HCK: variants seen among roughly 807,000 people sequenced by gnomAD.
HCK encodes tyrosine-protein kinase HCK.
Under a neutral mutation model 70.4 loss-of-function variants are expected in HCK, and 40 were observed. That is an observed-to-expected ratio of 0.57 (90% CI 0.44 to 0.74). The LOEUF (loss-of-function observed/expected upper bound fraction) is 0.74. HCK is among the 30% of genes least tolerant of loss of function. The probability of loss-of-function intolerance (pLI) is 0.00; values close to 1 mark genes in which losing one functional copy is unlikely to be tolerated. For synonymous variants in HCK, 245 were observed against 263.2 expected (o/e 0.93, Z 0.67); for missense variants, 568 against 697.2 (o/e 0.81, Z 2.09).
chr20:32,076,886 G>A (rs1224890001), intron 5 of HCK, among the ~76,000 whole-genome samples: 2 of 152,074 alleles, frequency 1.3e-5, no homozygotes, highest in East Asian at 3.9e-4. Context: ...AGGAGTTCAA[G>A]ACCAGCCTGG....
At chr20:32,067,957 TTG>T (rs2045483746) in intron 1 of HCK, among the ~76,000 whole-genome samples, 1 of 152,226 alleles carries the variant, frequency 6.6e-6, no homozygotes, top group Admixed American at 6.5e-5. Flanking sequence ...ATTAATTCAC[TTG>T]TTTCTTTTTA....
intron 11 of HCK, among the ~76,000 whole-genome samples, chr20:32,098,608 C>T (rs917544274): frequency 1.3e-4 from 20 of 152,272 alleles, no homozygotes; most frequent in African/African-American, 4.8e-4. Flanking sequence ...CCAGAATCCT[C>T]CCTTTTCCCA....
At position 32,093,987 on chromosome 20, in the gene HCK, T is replaced by C. The variant is rs1263925999; in HGVS notation, c.1217T>C (p.Ile406Thr). The C allele has an allele frequency of 6.2e-7, 1 of 1,613,526 alleles. No homozygotes were observed. Among genetic ancestry groups the C allele is most frequent in the Non-Finnish European group, 8.5e-7 (1 of 1,179,922 alleles). ...GCTGACTTTGGCCTGGCCCGGGTCA[T>C]TGAGGACAACGAGTACACGGCTCGG... The change falls in exon 11 of 13, where the codon ATT becomes ACT. Residue 406 changes from isoleucine (I) to threonine (T), a missense_variant. By Grantham distance (89) the Ile-to-Thr change is moderately conservative. This residue lies in a region of HCK where 160 missense variants were observed against 237.5 expected (regional missense o/e 0.67). Coordinates refer to ENST00000375852, the MANE Select transcript of HCK (RefSeq NM_002110.5).
intron 10 of HCK, among the ~76,000 whole-genome samples, 189 bp from the exon 11 acceptor site, chr20:32,093,674 A>G (rs1454839012): frequency 2.0e-5 from 3 of 152,152 alleles, no homozygotes; most frequent in Non-Finnish European, 2.9e-5. Flanking sequence ...CTCCTTAGGG[A>G]TCCCCCTAAC....
intron 1 of HCK, among the ~76,000 whole-genome samples, chr20:32,062,798 G>A (rs981730922): frequency 1.3e-5 from 2 of 152,208 alleles, no homozygotes; most frequent in African/African-American, 4.8e-5. Context: ...TCAGAAGACA[G>A]TCAGGGAACC....
chr20:32,089,532 C>G (rs2045836262), intron 10 of HCK, among the ~76,000 whole-genome samples: 1 of 152,184 alleles, frequency 6.6e-6, no homozygotes, highest in African/African-American at 2.4e-5. Context: ...GACCATGACC[C>G]AAGTGGTCCT....
chr20:32,095,069 A>G (rs1225852063), intron 11 of HCK, among the ~76,000 whole-genome samples: 1 of 152,254 alleles, frequency 6.6e-6, no homozygotes, highest in Non-Finnish European at 1.5e-5. Context: ...TTTAATGTCC[A>G]TCAATTGATG....
At chr20:32,056,006 T>C (rs1185520000) in intron 1 of HCK, among the ~76,000 whole-genome samples, 1 of 152,266 alleles carries the variant, frequency 6.6e-6, no homozygotes, top group East Asian at 1.9e-4. Flanking sequence ...TAGTACTTTA[T>C]TCCCTTTGTG....
chr20:32,069,540 A>G, intron 1 of HCK: 1 of 361,350 alleles, frequency 2.8e-6, no homozygotes, highest in Non-Finnish European at 5.4e-6. Context: ...CAGAACTGTA[A>G]TACACATTTA....
intron 11 of HCK, among the ~76,000 whole-genome samples, chr20:32,094,829 GAAAGAAAGAAAGA>G (rs1347725690): frequency 1.5e-5 from 2 of 137,478 alleles, no homozygotes; most frequent in African/African-American, 5.2e-5. Flanking sequence ...AAGAAAGAAA[GAAAGAAAGAAAGA>G]AAGAAAGAAA....
intron 6 of HCK, among the ~76,000 whole-genome samples, chr20:32,080,529 T>C (rs750027955): frequency 3.9e-5 from 6 of 152,184 alleles, no homozygotes; most frequent in Non-Finnish European, 8.8e-5. Context: ...GGTCTCACTC[T>C]GTTGCCCAGG....
chr20:32,098,820 G>T (rs1254380823), intron 11 of HCK, among the ~76,000 whole-genome samples, 184 bp from the exon 12 acceptor site: 2 of 152,192 alleles, frequency 1.3e-5, no homozygotes, highest in Non-Finnish European at 2.9e-5. Context: ...ACTCCTCCTT[G>T]TTTAGCCATC....
intron 10 of HCK, among the ~76,000 whole-genome samples, chr20:32,093,377 A>G (rs1569006960): frequency 6.6e-6 from 1 of 151,998 alleles, no homozygotes; most frequent in East Asian, 1.9e-4. Flanking sequence ...AATTTTCCCT[A>G]CCCAGGCTGG....
At position 32,093,915 on chromosome 20, in the gene HCK, T is replaced by A; in HGVS notation, c.1145T>A (p.Leu382His). ...CAGAGGAACTACATCCACCGAGACC[T>A]CCGAGCTGCCAACATCTTGGTCTCT... is the stretch of plus-strand genomic sequence containing the variant. The change falls in exon 11 of 13, where the codon CTC (leucine) becomes CAC (histidine). Residue 382 changes from leucine to histidine, a missense_variant. By Grantham distance (99) the Leu-to-His change is moderately conservative. Around this residue, in one of 4 missense-constraint regions of HCK, gnomAD observed 160 missense variants for 237.5 expected, o/e 0.67. Transcript: ENST00000375852. 6.2e-7 allele frequency: 1 copy of A among 1,614,054 alleles called. No individual in the cohort carries two copies. Among genetic ancestry groups the A allele is most frequent in the Non-Finnish European group, 8.5e-7 (1 of 1,179,956 alleles).
At chr20:32,058,896 G>A (rs2045318902) in intron 1 of HCK, among the ~76,000 whole-genome samples, 1 of 152,162 alleles carries the variant, frequency 6.6e-6, no homozygotes, top group Non-Finnish European at 1.5e-5. Flanking sequence ...AGAGGTGAGG[G>A]AACCGGGGTA....
Position 32,101,432 on chromosome 20 carries a change from G to A in HCK, c.1494G>A (p.Pro498=), listed in dbSNP as rs144688972. Residue 498 remains proline (P), a synonymous_variant, in exon 13 of 13, where the codon CCG becomes CCA. Transcript: ENST00000375852. ...TGATGCGCTGCTGGAAAAACCGTCC[G>A]GAGGAGCGGCCGACCTTCGAATACA... 130 of 1,614,154 alleles carry A rather than the reference G, an allele frequency of 8.1e-5. 1 individual carries two copies. The highest frequency in any genetic ancestry group is 3.3e-4 in the Middle Eastern group (2 of 6,060).
intron 1 of HCK, among the ~76,000 whole-genome samples, chr20:32,061,589 G>T (rs1028743819): frequency 6.6e-6 from 1 of 152,208 alleles, no homozygotes; most frequent in East Asian, 1.9e-4. Flanking sequence ...GAGTTGGGGG[G>T]CAGAGGATCC....
At chr20:32,064,299 T>C (rs1483506064) in intron 1 of HCK, among the ~76,000 whole-genome samples, 1 of 152,162 alleles carries the variant, frequency 6.6e-6, no homozygotes, top group East Asian at 1.9e-4. Flanking sequence ...CATCCACCCA[T>C]CTCTGCTTCT....
At chr20:32,054,457 C>G (rs1183208144) in intron 1 of HCK, among the ~76,000 whole-genome samples, 1 of 94,298 alleles carries the variant, frequency 1.1e-5, no homozygotes, top group African/African-American at 4.0e-5. Context: ...GCCTGGACAA[C>G]AAAAGCGAAA....
Sources: gnomAD v4.1 joint callset for allele counts (sites outside exome capture counted in the v4.1 genomes callset) on GRCh38, gnomAD v4.1.1 for gene constraint, gnomAD v4.1.1 regional missense constraint, MANE v1.5 for transcripts, NCBI Gene and HGNC (gene_info 2026-07-23, HGNC 2026-07-21) for gene names.